Variants in CES5A observed in about 807,000 individuals in gnomAD.
CES5A encodes the protein carboxylesterase 5A, also known as carboxylesterase 5.
A neutral mutation model predicts 62.9 loss-of-function variants in CES5A; 67 were observed. The observed-to-expected ratio is 1.07, with a 90% CI of 0.88 to 1.31. CES5A has a LOEUF of 1.31. CES5A is among the 50% of genes most tolerant of loss of function. The pLI is 0.00. For missense variants in CES5A, 748 were observed against 708.5 expected (o/e 1.06, Z -0.63); for synonymous variants, 296 against 280.8 (o/e 1.05, Z -0.54).
At position 55,853,013 on chromosome 16, in the gene CES5A, A is replaced by T. The variant is rs1434345363; in HGVS notation, c.1141T>A (p.Tyr381Asn). 1 of 1,614,178 alleles carries T rather than the reference A, an allele frequency of 6.2e-7. No individual in the cohort carries two copies. Among genetic ancestry groups the T allele is most frequent in the Non-Finnish European group, 8.5e-7 (1 of 1,180,014 alleles). ...TATTCATTAGCCACAAGGTGCAAATACTGAGGCGGGATGTGCTGTAAAAAT... is the reference window on the plus strand; with the variant it reads ...TATTCATTAGCCACAAGGTGCAAATTCTGAGGCGGGATGTGCTGTAAAAAT... ...IQNILHIPPQ[Y>N]LHLVANEYFH... The change falls in exon 10 of 13, where the codon TAT (tyrosine) becomes AAT (asparagine). Residue 381 changes from tyrosine (Y) to asparagine (N), a missense_variant. Physicochemically the swap from Tyr to Asn is moderately radical, Grantham distance 143 (BLOSUM62 -2). Coordinates refer to ENST00000290567, the MANE Select transcript of CES5A (RefSeq NM_001143685.2).
chr16:55,890,431 A>T (rs2033864854), intron 1 of CES5A, among the ~76,000 whole-genome samples: 1 of 152,092 alleles, frequency 6.6e-6, no homozygotes, highest in South Asian at 2.1e-4. Context: ...ATAGAAGAGA[A>T]TTCTGTGCAA....
intron 1 of CES5A, among the ~76,000 whole-genome samples, chr16:55,901,373 A>G (rs1832713782): frequency 6.6e-6 from 1 of 152,214 alleles, no homozygotes; most frequent in Admixed American, 6.5e-5. Flanking sequence ...AGACTAATAC[A>G]GGCCCTTTCC....
In CES5A at chr16:55,931,338, C is replaced by T. The variant is rs1487620065; in HGVS notation, c.160+18447G>A. On this transcript the variant is annotated intron_variant, in intron 2 of 13. Transcript: ENST00000521992. ...AGCCAATGAGGAACAGAGGCAAGAT[C>T]CTTTAACCAAAGGTCCTCCACCTCA... 2.0e-5 allele frequency among the ~76,000 whole-genome samples: 3 copies of T among 152,326 alleles called. No homozygotes were observed. The East Asian group carries it at 5.8e-4, about 29-fold the overall frequency.
upstream of CES5A, among the ~76,000 whole-genome samples, chr16:55,879,556 A>G (rs190819057): frequency 6.6e-6 from 1 of 152,098 alleles, no homozygotes; most frequent in Non-Finnish European, 1.5e-5. Context: ...CCCCATCACT[A>G]TATCCAGTGT....
At position 55,861,533 on chromosome 16, in the gene CES5A, G is replaced by A; in HGVS notation, c.811-17C>T. On this transcript the variant is annotated splice_polypyrimidine_tract_variant and intron_variant, in intron 6 of 12. Transcript: ENST00000290567. ...CACCTGCAGCTATTTTGTAGAGAAG[G>A]ACCGGGTTAGAGCATGATATTGAAA... 1 of 1,540,032 alleles carries A rather than the reference G, an allele frequency of 6.5e-7. No individual in the cohort carries two copies. The highest frequency in any genetic ancestry group is 9.0e-7 in the Non-Finnish European group (1 of 1,112,672).
At chr16:55,900,899 T>A (rs2033983495) in intron 1 of CES5A, among the ~76,000 whole-genome samples, 1 of 152,180 alleles carries the variant, frequency 6.6e-6, no homozygotes, top group Admixed American at 6.5e-5. Flanking sequence ...GGGAAGTGCT[T>A]ATCCCATCCC....
intron 1 of CES5A, among the ~76,000 whole-genome samples, chr16:55,899,978 A>G (rs144321930): frequency 1.3e-3 from 200 of 152,314 alleles, no homozygotes; most frequent in African/African-American, 4.4e-3. Flanking sequence ...TTTGCAAGCT[A>G]TTAATCAAAT....
chr16:55,902,766 A>C (rs16955853), intron 1 of CES5A, among the ~76,000 whole-genome samples: 2,726 of 152,254 alleles, frequency 0.018, 77 homozygotes, highest in African/African-American at 0.062. Flanking sequence ...GGGGGGCATC[A>C]TCCGAATTTC....
At chr16:55,874,097 C>T in intron 1 of CES5A, 60 bp from the exon 2 acceptor site, 1 of 1,469,222 alleles carries the variant, frequency 6.8e-7, no homozygotes, top group Non-Finnish European at 9.3e-7. Context: ...CAATGGCCCA[C>T]CCAGTCTGGA....
At chr16:55,940,813 G>A (rs1597159421) in intron 2 of CES5A, among the ~76,000 whole-genome samples, 1 of 151,616 alleles carries the variant, frequency 6.6e-6, no homozygotes, top group South Asian at 2.1e-4. Context: ...ACACAACCAA[G>A]TGGAATTTAT....
At chr16:55,894,928 G>A (rs536755739) in intron 1 of CES5A, among the ~76,000 whole-genome samples, 5 of 152,296 alleles carry the variant, frequency 3.3e-5, no homozygotes, top group Admixed American at 3.3e-4. Context: ...AAGCTTGGGA[G>A]GAAAGATGGG....
At chr16:55,869,772 A>G (rs2033545446) in intron 3 of CES5A, 28 bp from the exon 4 acceptor site, 21 of 1,580,726 alleles carry the variant, frequency 1.3e-5, no homozygotes, top group Non-Finnish European at 1.8e-5. Context: ...GCATCCAGTC[A>G]GCCCACCAGG....
intron 1 of CES5A, among the ~76,000 whole-genome samples, chr16:55,888,513 A>G (rs1411853404): frequency 6.6e-6 from 1 of 152,192 alleles, no homozygotes; most frequent in African/African-American, 2.4e-5. Context: ...AAAAATCTCA[A>G]CTAAAGACCC....
At chr16:55,933,880 C>T (rs2034339473) in intron 2 of CES5A, among the ~76,000 whole-genome samples, 1 of 152,166 alleles carries the variant, frequency 6.6e-6, no homozygotes, top group African/African-American at 2.4e-5. Flanking sequence ...CAAAGGCCTA[C>T]ATACTATGAC....
upstream of CES5A, among the ~76,000 whole-genome samples, chr16:55,929,447 T>A (rs1215561264): frequency 6.6e-6 from 1 of 152,018 alleles, no homozygotes; most frequent in African/African-American, 2.4e-5. Context: ...TCTGGCTGCA[T>A]CTCTCATGTG....
Position 55,889,813 on chromosome 16 carries a change from G to T in CES5A, c.-255-15776C>A, listed in dbSNP as rs144667715. On this transcript the variant is annotated intron_variant, in intron 1 of 12. Transcript: ENST00000518005. ...GCTCCCATCCTCTGGCTATCTGGGAGCCCCCAGCCATCAGTCATCTCATTA... is the reference window on the plus strand; with the variant it reads ...GCTCCCATCCTCTGGCTATCTGGGATCCCCCAGCCATCAGTCATCTCATTA... Among the ~76,000 whole-genome samples the T allele has an allele frequency of 1.9e-4, 29 of 152,228 alleles. No individual in the cohort carries two copies. In the East Asian group the frequency reaches 5.4e-3, roughly 28 times the overall value.
At chr16:55,941,767 G>C (rs970772794) in intron 2 of CES5A, among the ~76,000 whole-genome samples, 2 of 152,040 alleles carry the variant, frequency 1.3e-5, no homozygotes, top group African/African-American at 4.8e-5. Flanking sequence ...CAAAAGAACA[G>C]GCACATAGAT....
intron 1 of CES5A, among the ~76,000 whole-genome samples, chr16:55,902,798 G>A (rs1421242461): frequency 6.6e-6 from 1 of 152,178 alleles, no homozygotes; most frequent in Non-Finnish European, 1.5e-5. Context: ...TGTTGCTTGA[G>A]ATGCCACCAT....
At chr16:55,849,409 A>G (rs2033082497) in intron 11 of CES5A, among the ~76,000 whole-genome samples, 1 of 152,176 alleles carries the variant, frequency 6.6e-6, no homozygotes. Flanking sequence ...TGTAGGTTTC[A>G]GTACAAAGAG....
Sources: gnomAD v4.1 joint callset for allele counts (sites outside exome capture counted in the v4.1 genomes callset) on GRCh38, gnomAD v4.1.1 for gene constraint, MANE v1.5 for transcripts, NCBI Gene and HGNC (gene_info 2026-07-23, HGNC 2026-07-21) for gene names.